PIP5K1A: variants seen among roughly 807,000 people sequenced by gnomAD.
PIP5K1A encodes the protein phosphatidylinositol 4-phosphate 5-kinase type-1 alpha.
In PIP5K1A, 46 loss-of-function variants were observed where a neutral mutation model predicts 72.9. The observed-to-expected ratio is 0.63, with a 90% CI of 0.50 to 0.81. The LOEUF (loss-of-function observed/expected upper bound fraction) is 0.81. Among genes scored for constraint, PIP5K1A ranks in the 30% least tolerant of loss-of-function variants. PIP5K1A has a pLI of 0.00. For missense variants in PIP5K1A, 458 were observed against 706.1 expected (o/e 0.65, Z 3.98); for synonymous variants, 228 against 255.1 (o/e 0.89, Z 1.01).
intron 1 of PIP5K1A, 96 bp from the exon 2 acceptor site, chr1:151,224,149 A>T: frequency 1.9e-6 from 2 of 1,080,012 alleles, no homozygotes; most frequent in South Asian, 2.5e-5. Context: ...GTTTATACTT[A>T]TGTTTAGTTT....
chr1:151,205,231 A>G (rs1685766441), intron 1 of PIP5K1A, among the ~76,000 whole-genome samples: 1 of 152,130 alleles, frequency 6.6e-6, no homozygotes, highest in African/African-American at 2.4e-5. Flanking sequence ...AGTGTAGTGC[A>G]GTGGTGCGAT....
At chr1:151,219,441 C>T (rs1688088089) in intron 1 of PIP5K1A, among the ~76,000 whole-genome samples, 1 of 151,308 alleles carries the variant, frequency 6.6e-6, no homozygotes, top group Admixed American at 6.6e-5. Flanking sequence ...AATCCCAGCA[C>T]TTTGGGAGGC....
rs1006415807 is a variant in PIP5K1A, at chr1:151,248,858, T to C, written c.*993T>C. The C allele has an allele frequency of 6.6e-6, 1 of 152,626 alleles. No individual in the cohort carries two copies. Among genetic ancestry groups the C allele is most frequent in the Non-Finnish European group, 1.5e-5 (1 of 68,034 alleles). The allele number at this position is 152,626 out of a possible 1,614,324, so 9.5% of individuals were successfully genotyped here. A position where few individuals can be genotyped will look rare whatever the true frequency, so the allele number is the denominator to read the frequency against. On this transcript the variant is annotated 3_prime_UTR_variant, in exon 16 of 16. Coordinates refer to ENST00000368888, the MANE Select transcript of PIP5K1A (RefSeq NM_001135638.2). ...TCTTTTCCAACAGTGTTCTCCTGTT[T>C]GTGGAGCTAAGGTAAAGAGGGGACA...
intron 11 of PIP5K1A, among the ~76,000 whole-genome samples, chr1:151,239,412 A>G (rs587733695): frequency 8.6e-5 from 13 of 151,890 alleles, no homozygotes; most frequent in Non-Finnish European, 1.3e-4. Flanking sequence ...AGGTGGGACC[A>G]CAGGCGCGTG....
chr1:151,226,055 A>G lies in PIP5K1A; in HGVS notation c.157-1265A>G, dbSNP rs141843400. ...TGGCCTTCTGAGTAGCTGAGATTAC[A>G]GGTGCATGCCACACCACCCAGCTAT... is the stretch of plus-strand genomic sequence containing the variant. On this transcript the variant is annotated intron_variant, in intron 3 of 15. Coordinates refer to ENST00000368888, the MANE Select transcript of PIP5K1A (RefSeq NM_001135638.2). Among the ~76,000 whole-genome samples, 22 of 149,460 alleles carry G rather than the reference A, an allele frequency of 1.5e-4. 1 individual carries two copies. The East Asian group carries it at 4.3e-3, about 30-fold the overall frequency.
intron 1 of PIP5K1A, among the ~76,000 whole-genome samples, chr1:151,218,470 A>C (rs1231379026): frequency 6.6e-6 from 1 of 152,162 alleles, no homozygotes; most frequent in Non-Finnish European, 1.5e-5. Context: ...AGATTTATTT[A>C]GTTTGTTAGA....
chr1:151,237,962 A>G (rs967267754), intron 9 of PIP5K1A, among the ~76,000 whole-genome samples: 2 of 152,178 alleles, frequency 1.3e-5, no homozygotes, highest in Admixed American at 6.6e-5. Context: ...AAACTAGATT[A>G]TAATACATAC....
chr1:151,233,192 C>G (rs1421269630), intron 7 of PIP5K1A: 1 of 154,358 alleles, frequency 6.5e-6, no homozygotes, highest in Non-Finnish European at 1.4e-5. Flanking sequence ...TTTATCTGTT[C>G]TGTTTTAAGT....
At chr1:151,238,994 T>A in intron 10 of PIP5K1A, 136 bp from the exon 11 acceptor site, 1 of 628,564 alleles carries the variant, frequency 1.6e-6, no homozygotes. Flanking sequence ...GGAAAACCAG[T>A]GTACCAGTAG....
intron 1 of PIP5K1A, among the ~76,000 whole-genome samples, chr1:151,215,404 C>G (rs1206402413): frequency 6.6e-6 from 1 of 150,638 alleles, no homozygotes; most frequent in Non-Finnish European, 1.5e-5. Context: ...AATCTTGGCT[C>G]ACTTCCAGCT....
chr1:151,232,289 T>G lies in PIP5K1A; in HGVS notation c.410T>G (p.Phe137Cys). The G allele has an allele frequency of 6.2e-7, 1 of 1,614,094 alleles. No individual in the cohort carries two copies. Among genetic ancestry groups the G allele is most frequent in the Non-Finnish European group, 8.5e-7 (1 of 1,179,976 alleles). ...ACCCCTGCTCATCACTACAATGACT[T>G]TCGTTTCAAGACCTATGCACCTGTT... Reference protein sequence around the residue: ...NLTPAHHYNDFRFKTYAPVAF... With the variant: ...NLTPAHHYNDCRFKTYAPVAF... The change falls in exon 6 of 16, where the codon TTT becomes TGT. Residue 137 changes from phenylalanine to cysteine, a missense_variant. Transcript: ENST00000368888.
intron 1 of PIP5K1A, among the ~76,000 whole-genome samples, chr1:151,205,981 G>A (rs1362994800): frequency 4.6e-5 from 7 of 152,068 alleles, no homozygotes; most frequent in African/African-American, 9.7e-5. Context: ...ATGAAACACC[G>A]ATGGTGTTTC....
chr1:151,213,647 G>A (rs16833079), intron 1 of PIP5K1A: 94,555 of 152,020 alleles, frequency 0.62, 30,029 homozygotes, highest in Non-Finnish European at 0.7. Context: ...AGGATCATCA[G>A]CAGCATTTCT....
intron 1 of PIP5K1A, among the ~76,000 whole-genome samples, chr1:151,212,136 C>T (rs941310660): frequency 6.6e-6 from 1 of 151,804 alleles, no homozygotes; most frequent in Non-Finnish European, 1.5e-5. Flanking sequence ...ATTTTGTTTA[C>T]ATTATCTCTT....
chr1:151,220,962 G>T (rs1688324215), intron 1 of PIP5K1A, among the ~76,000 whole-genome samples: 1 of 152,116 alleles, frequency 6.6e-6, no homozygotes, highest in African/African-American at 2.4e-5. Context: ...TAACTACAGT[G>T]GTATTGTCAC....
intron 14 of PIP5K1A, among the ~76,000 whole-genome samples, chr1:151,246,534 T>C (rs1692540511): frequency 6.6e-6 from 1 of 152,122 alleles, no homozygotes; most frequent in South Asian, 2.1e-4. Context: ...AATCTCAGAA[T>C]GGACATTCCA....
chr1:151,211,623 C>T (rs1366711606), intron 1 of PIP5K1A, among the ~76,000 whole-genome samples: 4 of 151,042 alleles, frequency 2.6e-5, no homozygotes, highest in East Asian at 3.9e-4. Context: ...GGTGAAACCC[C>T]GTCTCTACTA....
chr1:151,234,888 GGCTT>G (rs760453028), intron 8 of PIP5K1A, among the ~76,000 whole-genome samples: 15 of 152,058 alleles, frequency 9.9e-5, no homozygotes, highest in Non-Finnish European at 1.9e-4. Flanking sequence ...ACCCCACTTG[GGCTT>G]TCAATATCGA....
chr1:151,223,687 ATAAAAAT>A (rs1006225047), intron 1 of PIP5K1A, among the ~76,000 whole-genome samples: 1 of 151,382 alleles, frequency 6.6e-6, no homozygotes, highest in African/African-American at 2.4e-5. Flanking sequence ...CATCTAAAAA[ATAAAAAT>A]TAAAAAAAAA....
Sources: gnomAD v4.1 joint callset for allele counts (sites outside exome capture counted in the v4.1 genomes callset) on GRCh38, gnomAD v4.1.1 for gene constraint, MANE v1.5 for transcripts, NCBI Gene and HGNC (gene_info 2026-07-23, HGNC 2026-07-21) for gene names.